The following NEBL variants were observed in gnomAD, a reference collection of about 807,000 sequenced individuals.
NEBL encodes LIM and SH3 protein 2.
A neutral mutation model predicts 140.2 loss-of-function variants in NEBL; 122 were observed. That is an observed-to-expected ratio of 0.87 (90% CI 0.75 to 1.01). The LOEUF (loss-of-function observed/expected upper bound fraction) is 1.01. Among genes scored for constraint, NEBL ranks in the 50% least tolerant of loss-of-function variants. The probability of loss-of-function intolerance (pLI) is 0.00; values close to 1 mark genes in which losing one functional copy is unlikely to be tolerated. For synonymous variants in NEBL, 436 were observed against 398.9 expected, an observed-to-expected ratio of 1.09 and a Z score of -1.11; for missense variants, 1,365 against 1,231.3, an observed-to-expected ratio of 1.11 and a Z score of -1.62.
intron 3 of NEBL, among the ~76,000 whole-genome samples, chr10:21,239,142 T>C (rs1223653061): frequency 6.6e-6 from 1 of 152,160 alleles, no homozygotes; most frequent in Non-Finnish European, 1.5e-5. Flanking sequence ...AAGTCTTCTA[T>C]CTTGAATTGC....
chr10:21,146,381 A>G, intron 2 of NEBL: 11 of 1,612,716 alleles, frequency 6.8e-6, no homozygotes, highest in African/African-American at 1.3e-5. Flanking sequence ...CACACAAGAA[A>G]AAAATGACTG....
At chr10:20,880,718 TC>T (rs1845939774) in intron 5 of NEBL, 75 bp downstream of exon 5, 5 of 1,097,176 alleles carry the variant, frequency 4.6e-6, no homozygotes, top group Non-Finnish European at 7.1e-6. Context: ...TGTTTAAATT[TC>T]AGCAAAATAA....
intron 4 of NEBL, among the ~76,000 whole-genome samples, chr10:20,922,238 G>A (rs997825831): frequency 2.6e-5 from 4 of 152,170 alleles, no homozygotes; most frequent in Admixed American, 6.5e-5. Context: ...ATGATTCTGT[G>A]CCTCACTGAC....
chr10:21,046,707 TCTC>T (rs1834531898), intron 2 of NEBL, among the ~76,000 whole-genome samples: 1 of 152,244 alleles, frequency 6.6e-6, no homozygotes, highest in East Asian at 1.9e-4. Context: ...TTCACGCCAT[TCTC>T]CTGCCTCAGC....
chr10:21,271,645 C>T (rs1428961019), intron 1 of NEBL, among the ~76,000 whole-genome samples: 1 of 151,536 alleles, frequency 6.6e-6, no homozygotes. Flanking sequence ...CCTGCCTCAA[C>T]CTCCTGAGCA....
intron 3 of NEBL, among the ~76,000 whole-genome samples, chr10:20,993,845 C>T (rs922115988): frequency 6.6e-6 from 1 of 152,222 alleles, no homozygotes; most frequent in Non-Finnish European, 1.5e-5. Flanking sequence ...ACTCCCTGAT[C>T]TGGGGCACTG....
intron 1 of NEBL, among the ~76,000 whole-genome samples, chr10:21,281,747 A>G (rs995518470): frequency 1.3e-5 from 2 of 152,118 alleles, no homozygotes; most frequent in African/African-American, 4.8e-5. Flanking sequence ...GGAAAAATGC[A>G]TAATGATGCA....
At chr10:21,105,801 C>A (rs1015379314) in intron 2 of NEBL, among the ~76,000 whole-genome samples, 1 of 152,184 alleles carries the variant, frequency 6.6e-6, no homozygotes. Flanking sequence ...ATACTCCCAC[C>A]AACCGTGTAA....
chr10:21,095,809 A>G (rs1294550176), intron 2 of NEBL, among the ~76,000 whole-genome samples: 2 of 152,182 alleles, frequency 1.3e-5, no homozygotes, highest in African/African-American at 4.8e-5. Flanking sequence ...ACTTGGGGTT[A>G]TCTCTCTCAT....
intron 2 of NEBL, among the ~76,000 whole-genome samples, chr10:21,090,344 A>C (rs1276008758): frequency 6.6e-6 from 1 of 152,260 alleles, no homozygotes; most frequent in Non-Finnish European, 1.5e-5. Context: ...ATATTTGAAC[A>C]AAAGTGTAGA....
chr10:21,135,486 A>T (rs1839314527), intron 2 of NEBL, among the ~76,000 whole-genome samples: 1 of 152,202 alleles, frequency 6.6e-6, no homozygotes, highest in South Asian at 2.1e-4. Context: ...ATTTGACAAA[A>T]AGGAAGCACT....
chr10:21,009,760 C>T (rs1440093250), intron 3 of NEBL, among the ~76,000 whole-genome samples: 1 of 152,120 alleles, frequency 6.6e-6, no homozygotes, highest in African/African-American at 2.4e-5. Flanking sequence ...TTTTGCAAGG[C>T]CCCCAGAGAA....
intron 4 of NEBL, among the ~76,000 whole-genome samples, chr10:20,958,909 A>T (rs1220550564): frequency 6.6e-6 from 1 of 152,240 alleles, no homozygotes; most frequent in Non-Finnish European, 1.5e-5. Flanking sequence ...AGTAACATGC[A>T]GACTGAGTGG....
chr10:21,159,974 T>C (rs969462626), intron 2 of NEBL, among the ~76,000 whole-genome samples: 4 of 152,228 alleles, frequency 2.6e-5, no homozygotes, highest in Non-Finnish European at 5.9e-5. Flanking sequence ...ACTTCTTTTA[T>C]GTTACCACCT....
chr10:21,088,430 G>A (rs1341261105), intron 2 of NEBL, among the ~76,000 whole-genome samples: 1 of 152,100 alleles, frequency 6.6e-6, no homozygotes, highest in Non-Finnish European at 1.5e-5. Flanking sequence ...GCTGTAGTGG[G>A]CTATGATGGT....
chr10:20,790,745 T>C (rs1315817040), intron 26 of NEBL, among the ~76,000 whole-genome samples: 1 of 152,188 alleles, frequency 6.6e-6, no homozygotes, highest in Non-Finnish European at 1.5e-5. Context: ...AGGAATGCCT[T>C]TTTTGGAAAC....
Position 20,819,435 on chromosome 10 carries a change from G to A in NEBL, c.2044C>T (p.Gln682Ter), listed in dbSNP as rs763512999. Residue 682 changes from glutamine (Q) to a stop codon, truncating the protein, a stop_gained, in exon 20 of 28, where the codon CAG becomes TAG. Coordinates refer to ENST00000377122, the MANE Select transcript of NEBL (RefSeq NM_006393.3). LOFTEE classifies it high-confidence loss of function. ...EIERVRRNQE[Q>*]LSAVKYKGEL... The stretch of plus-strand genomic sequence containing the variant: ...CAGAAACGACTTGCCGCACTCAGCT[G>A]CTCCTGGTTTCGCCTCACTCTCTCT... The A allele has an allele frequency of 5.4e-5, 87 of 1,613,956 alleles. No individual in the cohort carries two copies. The highest frequency in any genetic ancestry group is 6.6e-5 in the Non-Finnish European group (78 of 1,179,988).
chr10:21,242,591 A>G (rs1041950724), intron 3 of NEBL, among the ~76,000 whole-genome samples: 2 of 152,118 alleles, frequency 1.3e-5, no homozygotes. Context: ...CTGCACATGT[A>G]CCCTGAGCCT....
At chr10:21,120,957 G>A (rs1838544446) in intron 2 of NEBL, among the ~76,000 whole-genome samples, 1 of 152,086 alleles carries the variant, frequency 6.6e-6, no homozygotes, top group African/African-American at 2.4e-5. Context: ...TGGGATACTG[G>A]CACAGGATCT....
Sources: allele counts gnomAD v4.1 joint callset (sites outside exome capture counted in the v4.1 genomes callset), GRCh38; gene constraint gnomAD v4.1.1; transcripts MANE v1.5; gene names NCBI Gene and HGNC (gene_info 2026-07-23, HGNC 2026-07-21).